Variants in EPS15 observed in about 807,000 individuals in gnomAD.
EPS15 encodes the protein epidermal growth factor receptor pathway substrate 15.
In EPS15, 72 loss-of-function variants were observed where a neutral mutation model predicts 113.8. The ratio of observed to expected loss-of-function variants is 0.63; its 90% CI spans 0.52 to 0.77. The LOEUF (loss-of-function observed/expected upper bound fraction) is 0.77, where lower values mean the gene tolerates loss of function less well. Ranked by LOEUF, EPS15 falls within the 30% of genes least tolerant of loss-of-function variation. The pLI, the probability that EPS15 is intolerant of heterozygous loss-of-function variation, is 0.00. For missense variants in EPS15, 1,048 were observed against 1,045.8 expected, an observed-to-expected ratio of 1.00 and a Z score of -0.03; for synonymous variants, 344 against 363.4, an observed-to-expected ratio of 0.95 and a Z score of 0.61.
intron 21 of EPS15, among the ~76,000 whole-genome samples, chr1:51,384,291 TTTCTTTC>T (rs1197675309): frequency 8.7e-6 from 1 of 115,354 alleles, no homozygotes; most frequent in East Asian, 3.2e-4. Flanking sequence ...TTTCTTTTTC[TTTCTTTC>T]TTTTTTTTTT....
chr1:51,457,510 CTTTTTTTTTTTTT>C (rs34245440), intron 8 of EPS15: 2 of 70,716 alleles, frequency 2.8e-5, no homozygotes, highest in South Asian at 1.1e-3. Flanking sequence ...GGAATATTAT[CTTTTTTTTTTTTT>C]TTTTTTTTTT....
At chr1:51,474,444 A>G (rs373473008) in intron 2 of EPS15, among the ~76,000 whole-genome samples, 1 of 152,336 alleles carries the variant, frequency 6.6e-6, no homozygotes, top group East Asian at 1.9e-4. Context: ...GACTCTTTTC[A>G]GTCTGAAAGA....
chr1:51,500,321 C>T lies in EPS15; in HGVS notation c.33+18878G>A, dbSNP rs186908520. On this transcript the variant is annotated intron_variant, in intron 1 of 24. Transcript: ENST00000371733. ...GGATATATACTCAGACATGAAATTGCTGGATTATATGGTGATTATGCGGTA... is the reference window on the plus strand; with the variant it reads ...GGATATATACTCAGACATGAAATTGTTGGATTATATGGTGATTATGCGGTA... 5.9e-5 allele frequency among the ~76,000 whole-genome samples: 9 copies of T among 152,242 alleles called. No individual in the cohort carries two copies. The East Asian group carries it at 1.5e-3, about 26-fold the overall frequency.
chr1:51,508,753 T>C (rs1172715277), intron 1 of EPS15, among the ~76,000 whole-genome samples: 2 of 152,144 alleles, frequency 1.3e-5, no homozygotes, highest in Non-Finnish European at 2.9e-5. Context: ...TGCTCTATGG[T>C]CAAAGTTAAA....
chr1:51,357,842 C>T (rs372241314), intron 24 of EPS15, among the ~76,000 whole-genome samples: 4 of 150,910 alleles, frequency 2.7e-5, no homozygotes, highest in African/African-American at 7.3e-5. Context: ...CGGGTTCAAG[C>T]GATTCTCTTG....
chr1:51,478,804 A>G (rs1162774316), intron 2 of EPS15, among the ~76,000 whole-genome samples: 3 of 152,192 alleles, frequency 2.0e-5, no homozygotes, highest in Non-Finnish European at 4.4e-5. Context: ...TCTGGCTGGT[A>G]GAGTTTCTGC....
intron 13 of EPS15, among the ~76,000 whole-genome samples, chr1:51,417,597 C>A (rs1448167339): frequency 6.6e-6 from 1 of 152,144 alleles, no homozygotes; most frequent in Non-Finnish European, 1.5e-5. Context: ...ATGGTTCATG[C>A]CATATATAAG....
At chr1:51,396,907 A>C (rs545376864) in intron 20 of EPS15, among the ~76,000 whole-genome samples, 3 of 151,706 alleles carry the variant, frequency 2.0e-5, no homozygotes, top group African/African-American at 4.8e-5. Flanking sequence ...TTGAGACAAG[A>C]TCTCACTCTG....
At chr1:51,420,507 ATTATT>A (rs1390718806) in intron 13 of EPS15, among the ~76,000 whole-genome samples, 1 of 152,168 alleles carries the variant, frequency 6.6e-6, no homozygotes, top group Non-Finnish European at 1.5e-5. Flanking sequence ...ACTTGTGTAG[ATTATT>A]TTATCTTCCA....
chr1:51,365,436 G>A (rs1646487501), intron 22 of EPS15, among the ~76,000 whole-genome samples: 1 of 152,132 alleles, frequency 6.6e-6, no homozygotes, highest in South Asian at 2.1e-4. Context: ...TGAGAACCAA[G>A]GAACCAACAA....
In EPS15 at chr1:51,355,769, G is replaced by T. The variant is rs899461067; in HGVS notation, c.*931C>A. ...TTAAAGTACCTTCCAGTTCTAGCTTGCTGAAGTTTCTTCTGCAAAAGTACA... is the reference window on the plus strand; with the variant it reads ...TTAAAGTACCTTCCAGTTCTAGCTTTCTGAAGTTTCTTCTGCAAAAGTACA... On this transcript the variant is annotated 3_prime_UTR_variant, in exon 25 of 25. Transcript: ENST00000371733. 1 of 192,140 alleles carries T rather than the reference G, an allele frequency of 5.2e-6. No individual in the cohort carries two copies. The highest frequency in any genetic ancestry group is 1.1e-5 in the Non-Finnish European group (1 of 92,728). The allele number at this position is 192,140 out of a possible 1,614,324, so 11.9% of individuals were successfully genotyped here.
intron 1 of EPS15, among the ~76,000 whole-genome samples, chr1:51,496,860 G>T (rs1008375657): frequency 2.0e-5 from 3 of 152,092 alleles, no homozygotes; most frequent in African/African-American, 7.2e-5. Flanking sequence ...TGTTCTCCAA[G>T]AGTTTAACAA....
At chr1:51,489,559 T>G (rs184294918) in intron 1 of EPS15, among the ~76,000 whole-genome samples, 1 of 152,076 alleles carries the variant, frequency 6.6e-6, no homozygotes, top group Non-Finnish European at 1.5e-5. Context: ...CTCAGGTGAC[T>G]AGTACAGCAT....
intron 1 of EPS15, among the ~76,000 whole-genome samples, chr1:51,488,472 TAAA>T (rs71063033): frequency 5.2e-4 from 44 of 85,312 alleles, no homozygotes; most frequent in African/African-American, 1.4e-3. Context: ...TAAAGTTTTG[TAAA>T]AAAAAAAAAA....
Position 51,408,253 on chromosome 1 carries a change from T to C in EPS15, c.1355A>G (p.Glu452Gly), listed in dbSNP as rs747384718. Residue 452 changes from glutamate to glycine, a missense_variant, in exon 15 of 25, where the codon GAA becomes GGA. Physicochemically the swap from Glu to Gly is moderately conservative, Grantham distance 98 (BLOSUM62 -2). Coordinates refer to ENST00000371733, the MANE Select transcript of EPS15 (RefSeq NM_001981.3). ...TYEEELAKAR[E>G]ELSRLQQETA... The stretch of plus-strand genomic sequence containing the variant: ...TTCTTGCTGTAGACGGCTCAGCTCT[T>C]CTCTAGCTTTTGCCAATTCTTCTTC... The C allele has an allele frequency of 2.5e-6, 4 of 1,614,028 alleles. No homozygotes were observed. Among genetic ancestry groups the C allele is most frequent in the Non-Finnish European group, 3.4e-6 (4 of 1,179,872 alleles).
chr1:51,493,031 T>C (rs181949905), intron 1 of EPS15, among the ~76,000 whole-genome samples: 3 of 152,044 alleles, frequency 2.0e-5, no homozygotes, highest in Non-Finnish European at 4.4e-5. Flanking sequence ...TTCGAGACCA[T>C]CCTGCCTAAC....
At position 51,361,155 on chromosome 1, in the gene EPS15, C is replaced by A. The variant is rs142987072; in HGVS notation, c.2544+16G>T. 3.1e-6 allele frequency: 5 copies of A among 1,591,668 alleles called. No homozygotes were observed. The African/African-American group carries it at 5.4e-5, about 17-fold the overall frequency. ...TTAAAGATTTCTCCCCCAAACAGCTCATTCACAGTACTTACAGCACTGAAG... is the reference window on the plus strand; with the variant it reads ...TTAAAGATTTCTCCCCCAAACAGCTAATTCACAGTACTTACAGCACTGAAG... On this transcript the variant is annotated intron_variant, in intron 24 of 24. Transcript: ENST00000371733.
chr1:51,424,458 T>A (rs1400571373), intron 12 of EPS15, among the ~76,000 whole-genome samples: 1 of 152,236 alleles, frequency 6.6e-6, no homozygotes, highest in East Asian at 1.9e-4. Context: ...GATGGACACA[T>A]AATCAATACA....
At chr1:51,507,489 C>T (rs1413809730) in intron 1 of EPS15, among the ~76,000 whole-genome samples, 2 of 151,844 alleles carry the variant, frequency 1.3e-5, no homozygotes, top group East Asian at 1.9e-4. Context: ...GGTGAAACCC[C>T]ATCTCTACCA....
Sources: allele counts gnomAD v4.1 joint callset (sites outside exome capture counted in the v4.1 genomes callset), GRCh38; gene constraint gnomAD v4.1.1; transcripts MANE v1.5; gene names NCBI Gene and HGNC (gene_info 2026-07-23, HGNC 2026-07-21).